DOCK7: variants seen among roughly 807,000 people sequenced by gnomAD.
DOCK7 encodes the protein dedicator of cytokinesis 7.
Under a neutral mutation model 271.0 loss-of-function variants are expected in DOCK7, and 138 were observed. That is an observed-to-expected ratio of 0.51 (90% confidence interval 0.44 to 0.59). DOCK7 has a LOEUF of 0.59. DOCK7 is among the 20% of genes least tolerant of loss of function. The probability of loss-of-function intolerance (pLI) is 0.00; values close to 1 mark genes in which losing one functional copy is unlikely to be tolerated. For synonymous variants in DOCK7, 823 were observed against 876.1 expected, an observed-to-expected ratio of 0.94 and a Z score of 1.07; for missense variants, 2,066 against 2,592.4, an observed-to-expected ratio of 0.80 and a Z score of 4.41.
chr1:62,540,765 G>A (rs1645502472), intron 25 of DOCK7, among the ~76,000 whole-genome samples: 1 of 152,068 alleles, frequency 6.6e-6, no homozygotes, highest in Non-Finnish European at 1.5e-5. Context: ...TTAATATAGA[G>A]CACAGCCAAG....
In DOCK7 at chr1:62,578,974, C is replaced by CA. The variant is rs199915737; in HGVS notation, c.1872-9dup. 0.069 allele frequency: 85,662 copies of CA among 1,246,150 alleles called. 205 individuals are homozygous for CA. Among genetic ancestry groups the CA allele is most frequent in the Middle Eastern group, 0.11 (410 of 3,806 alleles). The allele number at this position is 1,246,150 out of a possible 1,614,324, so 77.2% of individuals were successfully genotyped here. A position where few individuals can be genotyped will look rare whatever the true frequency, so the allele number is the denominator to read the frequency against. On this transcript the variant is annotated splice_polypyrimidine_tract_variant and intron_variant, in intron 16 of 49. Coordinates refer to ENST00000635253, the MANE Select transcript of DOCK7 (RefSeq NM_001367561.1). ...TCATGAAAATCAGGAGACCTTCATA[C>CA]AAAAAAAAAAAAAAATCAACAGTCA...
chr1:62,540,846 C>T (rs953672184), intron 25 of DOCK7, among the ~76,000 whole-genome samples: 6 of 136,076 alleles, frequency 4.4e-5, no homozygotes, highest in Admixed American at 2.4e-4. Flanking sequence ...TACTAAAAAA[C>T]GGTGAAAATT....
chr1:62,606,436 G>GA (rs1352255266), intron 14 of DOCK7, among the ~76,000 whole-genome samples: 3 of 151,844 alleles, frequency 2.0e-5, no homozygotes, highest in Admixed American at 6.6e-5. Context: ...TAGAAGAAGA[G>GA]AAAGGAGCTC....
intron 1 of DOCK7, among the ~76,000 whole-genome samples, chr1:62,683,469 A>C (rs1378867778): frequency 6.6e-6 from 1 of 152,184 alleles, no homozygotes; most frequent in Non-Finnish European, 1.5e-5. Context: ...TTCCCTCAGA[A>C]ATAAAGATCT....
At chr1:62,587,770 T>A (rs1171206111) in intron 14 of DOCK7, among the ~76,000 whole-genome samples, 3 of 152,112 alleles carry the variant, frequency 2.0e-5, no homozygotes, top group Non-Finnish European at 2.9e-5. Context: ...CAGAGCAGGA[T>A]GTATAGTAAC....
At chr1:62,618,937 G>A in intron 13 of DOCK7, 69 bp from the exon 14 acceptor site, 2 of 1,418,738 alleles carry the variant, frequency 1.4e-6, no homozygotes, top group South Asian at 2.6e-5. Flanking sequence ...GTTTTTTAAA[G>A]GACTTGGATC....
chr1:62,675,324 G>C (rs965249387), intron 1 of DOCK7, among the ~76,000 whole-genome samples: 3 of 151,866 alleles, frequency 2.0e-5, no homozygotes, highest in African/African-American at 7.3e-5. Context: ...GATAGCTTGA[G>C]CCCAGGAGTT....
intron 22 of DOCK7, among the ~76,000 whole-genome samples, chr1:62,550,613 T>C (rs1571503533): frequency 2.0e-5 from 3 of 152,302 alleles, no homozygotes; most frequent in Admixed American, 1.3e-4. Flanking sequence ...TCAAGACATG[T>C]TTAGCTGCAC....
chr1:62,559,184 C>T lies in DOCK7; in HGVS notation c.2236G>A (p.Ala746Thr), dbSNP rs1451163534. The change falls in exon 20 of 50, where the codon GCT becomes ACT. Residue 746 changes from alanine to threonine, a missense_variant. Around this residue, in one of 2 missense-constraint regions of DOCK7, gnomAD observed 1,414 missense variants for 1,670.4 expected, o/e 0.85. Transcript: ENST00000635253. Reference protein sequence around the residue: ...YLDKFFALVNALDEHLFPVRI... With the variant: ...YLDKFFALVNTLDEHLFPVRI... ...ACTGGGAACAGGTGTTCATCCAGAG[C>T]ATTGACCAGAGCAAAAAATTTGTCA... 6.2e-7 allele frequency: 1 copy of T among 1,613,466 alleles called. No individual in the cohort carries two copies. Among genetic ancestry groups the T allele is most frequent in the Non-Finnish European group, 8.5e-7 (1 of 1,179,666 alleles).
rs145070724 is a variant in DOCK7, at chr1:62,546,026, A to G, written c.2767-987T>C. Among the ~76,000 whole-genome samples the G allele has an allele frequency of 3.2e-3, 484 of 152,302 alleles. 4 individuals are homozygous for G. Among genetic ancestry groups the G allele is most frequent in the African/African-American group, 0.011 (469 of 41,562 alleles). On this transcript the variant is annotated intron_variant, in intron 22 of 49. Coordinates refer to ENST00000635253, the MANE Select transcript of DOCK7 (RefSeq NM_001367561.1). ...AGAATTATTAGGGTAAGAATAGCAA[A>G]GACAATCGAAGACAAGCTGATGTAA... is the stretch of plus-strand genomic sequence containing the variant.
chr1:62,533,333 A>T (rs1185133801), intron 29 of DOCK7, among the ~76,000 whole-genome samples: 1 of 152,230 alleles, frequency 6.6e-6, no homozygotes, highest in African/African-American at 2.4e-5. Context: ...AATATTGAAA[A>T]TACAGATTCA....
chr1:62,465,495 AT>A (rs752706696), intron 48 of DOCK7, among the ~76,000 whole-genome samples: 15 of 139,736 alleles, frequency 1.1e-4, no homozygotes, highest in African/African-American at 2.9e-4. Flanking sequence ...AAAAAAAAAA[AT>A]TTGTAAGCCC....
intron 31 of DOCK7, among the ~76,000 whole-genome samples, chr1:62,524,427 C>A (rs1181629258): frequency 6.6e-6 from 1 of 152,012 alleles, no homozygotes; most frequent in Non-Finnish European, 1.5e-5. Context: ...AGAAAGTCTG[C>A]AAAATTGTTA....
chr1:62,616,504 C>A (rs949553588), intron 14 of DOCK7, among the ~76,000 whole-genome samples: 3 of 151,660 alleles, frequency 2.0e-5, no homozygotes, highest in Admixed American at 2.0e-4. Context: ...TATTTTTATT[C>A]AAATTATATA....
intron 48 of DOCK7, among the ~76,000 whole-genome samples, chr1:62,469,112 A>G (rs576476494): frequency 6.6e-6 from 1 of 152,356 alleles, no homozygotes; most frequent in South Asian, 2.1e-4. Flanking sequence ...CACATAGCCA[A>G]AGCGAGACTA....
In DOCK7 at chr1:62,583,245, CA is replaced by C; in HGVS notation, c.1809del (p.Phe603LeufsTer17). Reference protein sequence around the residue: ...EDPSNAMPVIFGKSSCSEFSK... With the variant: ...EDPSNAMPVIXGKSSCSEFSK... Reference sequence around the variant, plus strand: ...GAAAATTCTGAACAGCTAGATTTACCAAAGATTACCTGAAACAAATAACAGC... The same window carrying C: ...GAAAATTCTGAACAGCTAGATTTACCAAGATTACCTGAAACAAATAACAGC... On this transcript the variant is annotated frameshift_variant, in exon 16 of 50. Transcript: ENST00000635253. LOFTEE classifies it high-confidence loss of function. The C allele has an allele frequency of 6.2e-7, 1 of 1,612,424 alleles. No homozygotes were observed. Among genetic ancestry groups the C allele is most frequent in the Non-Finnish European group, 8.5e-7 (1 of 1,179,012 alleles).
chr1:62,654,147 C>T lies in DOCK7; in HGVS notation c.157G>A (p.Glu53Lys), dbSNP rs766896228. The change falls in exon 3 of 50, where the codon GAA becomes AAA. Residue 53 changes from glutamate (E) to lysine (K), a missense_variant. By Grantham distance (56) the Glu-to-Lys change is moderately conservative. Transcript: ENST00000635253. ...TCCAAATCCACTGGATCTACTGCTTCGGTAAGGGGCACCTTTGTAAAAAGT... is the reference window on the plus strand; with the variant it reads ...TCCAAATCCACTGGATCTACTGCTTTGGTAAGGGGCACCTTTGTAAAAAGT... Reference protein sequence around the residue: ...ISHHTTVPLTEAVDPVDLEDY... With the variant: ...ISHHTTVPLTKAVDPVDLEDY... 6.2e-6 allele frequency: 10 copies of T among 1,612,010 alleles called. No individual in the cohort carries two copies. Among genetic ancestry groups the T allele is most frequent in the Middle Eastern group, 1.6e-4 (1 of 6,068 alleles).
chr1:62,661,076 T>C (rs1658605584), intron 2 of DOCK7, among the ~76,000 whole-genome samples: 1 of 148,492 alleles, frequency 6.7e-6, no homozygotes, highest in Non-Finnish European at 1.5e-5. Context: ...TCAGCCTCGA[T>C]GATAAAGCAA....
intron 24 of DOCK7, 94 bp from the exon 25 acceptor site, chr1:62,542,797 G>C: frequency 1.6e-6 from 2 of 1,223,312 alleles, no homozygotes; most frequent in Non-Finnish European, 2.3e-6. Flanking sequence ...GATATAATGA[G>C]AATAAGCAAA....
Sources: gnomAD v4.1 joint callset for allele counts (sites outside exome capture counted in the v4.1 genomes callset) on GRCh38, gnomAD v4.1.1 for gene constraint, gnomAD v4.1.1 regional missense constraint, MANE v1.5 for transcripts, NCBI Gene and HGNC (gene_info 2026-07-23, HGNC 2026-07-21) for gene names.